Variants in OPCML observed in about 807,000 individuals in gnomAD.
OPCML encodes opioid binding protein/cell adhesion molecule like, also known as opioid-binding protein/cell adhesion molecule.
A neutral mutation model predicts 37.8 loss-of-function variants in OPCML; 13 were observed. That is an observed-to-expected ratio of 0.34 (90% CI 0.22 to 0.55). The LOEUF is 0.55. Among genes scored for constraint, OPCML ranks in the 20% least tolerant of loss-of-function variants. OPCML has a pLI of 0.91. For missense variants in OPCML, 341 were observed against 435.6 expected, an observed-to-expected ratio of 0.78 and a Z score of 1.93; for synonymous variants, 176 against 168.8, an observed-to-expected ratio of 1.04 and a Z score of -0.33.
At chr11:133,073,850 C>A (rs1206544109) in intron 1 of OPCML, among the ~76,000 whole-genome samples, 5 of 152,146 alleles carry the variant, frequency 3.3e-5, no homozygotes, top group African/African-American at 9.7e-5. Flanking sequence ...ACTCACAAGA[C>A]CCCTTAAAAG....
intron 1 of OPCML, among the ~76,000 whole-genome samples, chr11:133,465,260 C>T (rs1336811731): frequency 6.6e-6 from 1 of 152,162 alleles, no homozygotes; most frequent in Non-Finnish European, 1.5e-5. Flanking sequence ...CACAGGTCCT[C>T]CTGGTGACTC....
At chr11:133,271,686 C>T (rs1047294852) in intron 1 of OPCML, among the ~76,000 whole-genome samples, 10 of 152,192 alleles carry the variant, frequency 6.6e-5, no homozygotes, top group African/African-American at 1.2e-4. Context: ...ATTCTCACCC[C>T]TATGCAATAT....
At chr11:132,558,359 C>G (rs1591548468) in intron 3 of OPCML, among the ~76,000 whole-genome samples, 1 of 17,974 alleles carries the variant, frequency 5.6e-5, no homozygotes, top group African/African-American at 2.7e-4. Flanking sequence ...CCTCCCCTCT[C>G]CCCCTCCTCC....
chr11:132,720,288 G>A (rs1482170745), intron 2 of OPCML, among the ~76,000 whole-genome samples: 11 of 152,160 alleles, frequency 7.2e-5, no homozygotes, highest in Admixed American at 6.5e-4. Flanking sequence ...CTAGCCTGCC[G>A]GCCAAGACCT....
intron 2 of OPCML, among the ~76,000 whole-genome samples, chr11:132,776,242 T>C (rs1295946914): frequency 6.6e-6 from 1 of 152,256 alleles, no homozygotes; most frequent in East Asian, 1.9e-4. Context: ...ATCCTGTTTC[T>C]TTCAGGAACA....
chr11:133,470,712 C>A (rs571870575), intron 1 of OPCML, among the ~76,000 whole-genome samples: 5 of 152,150 alleles, frequency 3.3e-5, no homozygotes, highest in Non-Finnish European at 5.9e-5. Context: ...TTTGGCAGAC[C>A]CCAACTATTG....
intron 2 of OPCML, among the ~76,000 whole-genome samples, chr11:132,831,048 C>T (rs905485959): frequency 4.0e-5 from 6 of 151,780 alleles, no homozygotes; most frequent in East Asian, 1.9e-4. Flanking sequence ...ACTGAGCTAC[C>T]GTCATACACT....
At chr11:132,923,361 T>TA (rs1301546066) in intron 2 of OPCML, among the ~76,000 whole-genome samples, 2 of 152,160 alleles carry the variant, frequency 1.3e-5, no homozygotes, top group Non-Finnish European at 2.9e-5. Flanking sequence ...ATCTGTATTC[T>TA]AAAAAATCTT....
In OPCML at chr11:132,733,466, T is replaced by C. The variant is rs151129606; in HGVS notation, c.147-76147A>G. ...GTAGCTGAGAGGTATTAGAAGATCA[T>C]TCTACTTGCTGAGATTGAAAAGGGT... is the stretch of plus-strand genomic sequence containing the variant. On this transcript the variant is annotated intron_variant, in intron 2 of 7. Transcript: ENST00000524381. 3.7e-3 allele frequency among the ~76,000 whole-genome samples: 560 copies of C among 152,260 alleles called. 2 individuals are homozygous for C. Among genetic ancestry groups the C allele is most frequent in the Non-Finnish European group, 5.4e-3 (366 of 68,028 alleles).
intron 2 of OPCML, among the ~76,000 whole-genome samples, chr11:132,854,943 T>A (rs1239614169): frequency 6.6e-6 from 1 of 152,220 alleles, no homozygotes; most frequent in African/African-American, 2.4e-5. Flanking sequence ...AAGCTAAGCA[T>A]GGAAGGGATT....
intron 4 of OPCML, among the ~76,000 whole-genome samples, chr11:132,478,834 G>A (rs918571120): frequency 3.9e-5 from 6 of 152,156 alleles, no homozygotes; most frequent in Non-Finnish European, 8.8e-5. Flanking sequence ...GCATCCACCA[G>A]TGAAGAAGCA....
chr11:133,343,201 G>A (rs1943916792), intron 1 of OPCML, among the ~76,000 whole-genome samples: 1 of 151,978 alleles, frequency 6.6e-6, no homozygotes, highest in Admixed American at 6.6e-5. Context: ...GGTTCAGGAT[G>A]GTCTTAAGAG....
intron 2 of OPCML, among the ~76,000 whole-genome samples, chr11:132,720,285 G>A (rs1054889035): frequency 3.9e-5 from 6 of 152,204 alleles, no homozygotes; most frequent in African/African-American, 1.4e-4. Context: ...GAGCTAGCCT[G>A]CCGGCCAAGA....
intron 7 of OPCML, among the ~76,000 whole-genome samples, chr11:132,426,837 C>G (rs1380270691): frequency 6.6e-6 from 1 of 152,204 alleles, no homozygotes; most frequent in Non-Finnish European, 1.5e-5. Flanking sequence ...CATCCTGGCA[C>G]TAAGCTTTTG....
intron 4 of OPCML, among the ~76,000 whole-genome samples, chr11:132,486,863 AT>A (rs1368727384): frequency 6.6e-6 from 1 of 152,188 alleles, no homozygotes; most frequent in East Asian, 1.9e-4. Flanking sequence ...TTTTGAAGCA[AT>A]TAAAATTTGG....
intron 2 of OPCML, among the ~76,000 whole-genome samples, chr11:132,909,732 T>A (rs1202764291): frequency 2.6e-5 from 4 of 152,082 alleles, no homozygotes; most frequent in Non-Finnish European, 5.9e-5. Context: ...GCCAAGAAAA[T>A]GGCAGCCAGT....
intron 3 of OPCML, among the ~76,000 whole-genome samples, chr11:132,591,000 AC>A (rs2096483492): frequency 6.6e-6 from 1 of 152,200 alleles, no homozygotes; most frequent in Admixed American, 6.5e-5. Flanking sequence ...TTGAAAAACA[AC>A]CTATTTAAAA....
chr11:133,433,795 G>C (rs1333754629), intron 1 of OPCML, among the ~76,000 whole-genome samples: 1 of 152,072 alleles, frequency 6.6e-6, no homozygotes, highest in Non-Finnish European at 1.5e-5. Flanking sequence ...AGGGTCTGTG[G>C]CTCCAGGATA....
intron 2 of OPCML, among the ~76,000 whole-genome samples, chr11:132,694,476 C>T (rs1030344480): frequency 2.6e-5 from 4 of 152,040 alleles, no homozygotes; most frequent in African/African-American, 4.8e-5. Context: ...GGATTATAGG[C>T]GTGAGCCACC....
Sources: allele counts gnomAD v4.1 joint callset (sites outside exome capture counted in the v4.1 genomes callset), GRCh38; gene constraint gnomAD v4.1.1; transcripts MANE v1.5; gene names NCBI Gene and HGNC (gene_info 2026-07-23, HGNC 2026-07-21).